RALGPS2: variants seen among roughly 807,000 people sequenced by gnomAD.
The protein encoded by RALGPS2 is ras-specific guanine nucleotide-releasing factor RalGPS2.
Under a neutral mutation model 86.8 loss-of-function variants are expected in RALGPS2, and 43 were observed. That is an observed-to-expected ratio of 0.50 (90% CI 0.39 to 0.64). The LOEUF is 0.64. RALGPS2 is among the 30% of genes least tolerant of loss of function. The pLI, the probability that RALGPS2 is intolerant of heterozygous loss-of-function variation, is 0.00. For synonymous variants in RALGPS2, 243 were observed against 231.3 expected, an observed-to-expected ratio of 1.05 and a Z score of -0.46; for missense variants, 536 against 694.6, an observed-to-expected ratio of 0.77 and a Z score of 2.57.
At chr1:178,782,247 G>A (rs1426365628) in intron 2 of RALGPS2, among the ~76,000 whole-genome samples, 1 of 152,120 alleles carries the variant, frequency 6.6e-6, no homozygotes, top group East Asian at 1.9e-4. Context: ...CTCCTTGGGT[G>A]TCCAGTCTTA....
intron 19 of RALGPS2, among the ~76,000 whole-genome samples, chr1:178,914,508 CATCATCTCTCCACCCACTCTCAGAAA>C (rs1660738896): frequency 6.6e-6 from 1 of 152,128 alleles, no homozygotes; most frequent in African/African-American, 2.4e-5. Context: ...CCTGGTTCTG[CATCATCTCTCCACCCACTCTCAGAAA>C]ATCGGTGATT....
intron 1 of RALGPS2, among the ~76,000 whole-genome samples, chr1:178,758,009 A>G (rs1437198641): frequency 2.0e-5 from 3 of 152,020 alleles, no homozygotes; most frequent in African/African-American, 7.2e-5. Context: ...TTCTAATTCA[A>G]TCTTGGGGGG....
intron 7 of RALGPS2, among the ~76,000 whole-genome samples, chr1:178,831,348 C>T (rs187022551): frequency 1.3e-5 from 2 of 152,184 alleles, no homozygotes; most frequent in Admixed American, 1.3e-4. Context: ...CACATTCACA[C>T]ATATTGTGTG....
At chr1:178,871,933 A>G (rs1180214549) in intron 8 of RALGPS2, among the ~76,000 whole-genome samples, 1 of 152,232 alleles carries the variant, frequency 6.6e-6, no homozygotes, top group Non-Finnish European at 1.5e-5. Context: ...GTTGAGTACA[A>G]CTATACTATT....
rs544612091 is a variant in RALGPS2 at position 178,885,999 on chromosome 1, T to G, written c.1071T>G (p.Phe357Leu). The G allele has an allele frequency of 6.8e-6, 11 of 1,609,558 alleles. No homozygotes were observed. The highest frequency in any genetic ancestry group is 1.3e-5 in the African/African-American group (1 of 74,698). Residue 357 changes from phenylalanine to leucine, a missense_variant, in exon 13 of 20, where the codon TTT becomes TTG. Coordinates refer to ENST00000367635, the MANE Select transcript of RALGPS2 (RefSeq NM_152663.5). ...NFIHKMNTAEFKSATFPNAGP... is the reference protein window; with the variant it reads ...NFIHKMNTAELKSATFPNAGP... The stretch of plus-strand genomic sequence containing the variant: ...TTCATAAAATGAACACAGCAGAATT[T>G]AAGAGTGCAACGTTTCCAAATGCAG...
At chr1:178,775,099 A>T (rs548648121) in intron 1 of RALGPS2, among the ~76,000 whole-genome samples, 33 of 152,300 alleles carry the variant, frequency 2.2e-4, no homozygotes, top group African/African-American at 7.7e-4. Context: ...CATCTGCATC[A>T]TCATTACATC....
At position 178,774,898 on chromosome 1, in the gene RALGPS2, C is replaced by T. The variant is rs150894022; in HGVS notation, c.-83-1784C>T. 2.6e-3 allele frequency among the ~76,000 whole-genome samples: 390 copies of T among 152,270 alleles called. 2 individuals carry two copies. Among genetic ancestry groups the T allele is most frequent in the African/African-American group, 9.0e-3 (373 of 41,570 alleles). Reference sequence around the variant, plus strand: ...GTAATAATTTTTAAGCATTTCAAAACCAAGAGCATGTTTTACTACTTCTAG... The same window carrying T: ...GTAATAATTTTTAAGCATTTCAAAATCAAGAGCATGTTTTACTACTTCTAG... On this transcript the variant is annotated intron_variant, in intron 1 of 19. Coordinates refer to ENST00000367635, the MANE Select transcript of RALGPS2 (RefSeq NM_152663.5).
chr1:178,904,196 GA>G (rs1660297575), intron 18 of RALGPS2, among the ~76,000 whole-genome samples: 1 of 151,946 alleles, frequency 6.6e-6, no homozygotes, highest in Non-Finnish European at 1.5e-5. Context: ...TTTTCGATGG[GA>G]TTGGTTTTTT....
At chr1:178,823,592 A>G (rs923554067) in intron 7 of RALGPS2, among the ~76,000 whole-genome samples, 4 of 152,220 alleles carry the variant, frequency 2.6e-5, no homozygotes, top group African/African-American at 9.6e-5. Flanking sequence ...AATTCCAAGT[A>G]GAGGTAATAA....
intron 1 of RALGPS2, among the ~76,000 whole-genome samples, chr1:178,753,977 G>T (rs551084214): frequency 6.6e-6 from 1 of 151,712 alleles, no homozygotes; most frequent in Non-Finnish European, 1.5e-5. Context: ...GACTACAGGC[G>T]CCCGCCACCA....
At chr1:178,835,725 A>G (rs1017585846) in intron 8 of RALGPS2, among the ~76,000 whole-genome samples, 2 of 152,104 alleles carry the variant, frequency 1.3e-5, no homozygotes, top group African/African-American at 4.8e-5. Flanking sequence ...TTATTTTACT[A>G]TCGAGAAAAC....
At chr1:178,799,919 C>T (rs959669009) in intron 4 of RALGPS2, among the ~76,000 whole-genome samples, 2 of 152,230 alleles carry the variant, frequency 1.3e-5, no homozygotes, top group South Asian at 4.2e-4. Context: ...AAACTGTGTC[C>T]AGATGTTACA....
chr1:178,796,889 A>G lies in RALGPS2; in HGVS notation c.214-11156A>G, dbSNP rs143664440. On this transcript the variant is annotated intron_variant, in intron 4 of 19. Transcript: ENST00000367635. ...AATCAATGAATATTCTTTCAAATAC[A>G]CTTATAATGACTGTTAAGAAATTGC... Among the ~76,000 whole-genome samples, 1,276 of 152,256 alleles carry G rather than the reference A, an allele frequency of 8.4e-3. 17 individuals carry two copies. Among genetic ancestry groups the G allele is most frequent in the African/African-American group, 0.029 (1,209 of 41,556 alleles).
chr1:178,847,702 GA>G (rs1656933479), intron 8 of RALGPS2, among the ~76,000 whole-genome samples: 1 of 152,100 alleles, frequency 6.6e-6, no homozygotes, highest in Admixed American at 6.5e-5. Context: ...TATGATTGTG[GA>G]AGGTTTATTC....
At chr1:178,833,945 A>G (rs1288516734) in intron 8 of RALGPS2, among the ~76,000 whole-genome samples, 1 of 152,166 alleles carries the variant, frequency 6.6e-6, no homozygotes, top group Non-Finnish European at 1.5e-5. Context: ...GTCTCAGTGC[A>G]TATTGGTATT....
chr1:178,760,459 T>C (rs1471664123), intron 1 of RALGPS2, among the ~76,000 whole-genome samples: 1 of 152,218 alleles, frequency 6.6e-6, no homozygotes, highest in Non-Finnish European at 1.5e-5. Flanking sequence ...TTTACTGTTG[T>C]TGGTTTAAAG....
At chr1:178,736,180 T>C (rs202060275) in intron 1 of RALGPS2, among the ~76,000 whole-genome samples, 1 of 151,594 alleles carries the variant, frequency 6.6e-6, no homozygotes, top group South Asian at 2.1e-4. Context: ...TTTTTTTTTT[T>C]TCTGAGACAG....
intron 7 of RALGPS2, among the ~76,000 whole-genome samples, chr1:178,831,880 T>A (rs887165142): frequency 6.6e-6 from 1 of 152,152 alleles, no homozygotes; most frequent in African/African-American, 2.4e-5. Flanking sequence ...TTTATCTGAT[T>A]ATTGATTTAT....
At chr1:178,798,162 A>G (rs1164117008) in intron 4 of RALGPS2, among the ~76,000 whole-genome samples, 1 of 152,210 alleles carries the variant, frequency 6.6e-6, no homozygotes, top group Non-Finnish European at 1.5e-5. Context: ...ATGCACACAA[A>G]GACCTTGTGT....
Sources: gnomAD v4.1 joint callset for allele counts (sites outside exome capture counted in the v4.1 genomes callset) on GRCh38, gnomAD v4.1.1 for gene constraint, MANE v1.5 for transcripts, NCBI Gene and HGNC (gene_info 2026-07-23, HGNC 2026-07-21) for gene names.